Variants in FARS2 observed in about 807,000 individuals in gnomAD.
FARS2 encodes the protein phenylalanyl-tRNA synthetase 2, mitochondrial, also known as phenylalanine--tRNA ligase, mitochondrial.
Under a neutral mutation model 46.4 loss-of-function variants are expected in FARS2, and 40 were observed. The observed-to-expected ratio is 0.86, with a 90% CI of 0.67 to 1.12. The LOEUF is 1.12. FARS2 is among the 50% of genes most tolerant of loss of function. The pLI, the probability that FARS2 is intolerant of heterozygous loss-of-function variation, is 0.00. For missense variants in FARS2, 513 were observed against 567.9 expected, an observed-to-expected ratio of 0.90 and a Z score of 0.98; for synonymous variants, 234 against 214.9, an observed-to-expected ratio of 1.09 and a Z score of -0.78.
rs200193 is a variant in FARS2, at chr6:5,485,490, G to T, written c.904+54318G>T. On this transcript the variant is annotated intron_variant, in intron 4 of 6. Transcript: ENST00000274680. ...TCTTCATACTGTTAAGATTTAAAGT[G>T]GGGGGGACTGGGCTTGAAATCCTTT... 1.2e-4 allele frequency among the ~76,000 whole-genome samples: 18 copies of T among 146,998 alleles called. No homozygotes were observed. In the South Asian group the frequency reaches 1.6e-3, roughly 13 times the overall value.
intron 2 of FARS2, among the ~76,000 whole-genome samples, chr6:5,388,217 T>C (rs1399311949): frequency 6.6e-6 from 1 of 152,206 alleles, no homozygotes; most frequent in Non-Finnish European, 1.5e-5. Flanking sequence ...GATTATCTTA[T>C]CTTAAACCCT....
intron 6 of FARS2, among the ~76,000 whole-genome samples, chr6:5,643,337 C>T (rs533548734): frequency 3.9e-5 from 6 of 152,304 alleles, no homozygotes; most frequent in Non-Finnish European, 8.8e-5. Context: ...AATTACCTTA[C>T]ACGTGCTTCA....
At chr6:5,640,260 A>T (rs139281138) in intron 6 of FARS2, among the ~76,000 whole-genome samples, 1 of 152,214 alleles carries the variant, frequency 6.6e-6, no homozygotes, top group Non-Finnish European at 1.5e-5. Context: ...GTCCCGTATT[A>T]TGTACTGGTA....
chr6:5,621,507 A>G (rs1775776739), intron 6 of FARS2, among the ~76,000 whole-genome samples: 1 of 152,220 alleles, frequency 6.6e-6, no homozygotes, highest in Non-Finnish European at 1.5e-5. Context: ...CTTGCATGTA[A>G]TTAACACTCA....
chr6:5,745,207 G>A (rs1293125379), intron 6 of FARS2, among the ~76,000 whole-genome samples: 1 of 152,234 alleles, frequency 6.6e-6, no homozygotes, highest in Non-Finnish European at 1.5e-5. Context: ...AGGGAAAATG[G>A]CCCCTAAAGT....
intron 4 of FARS2, among the ~76,000 whole-genome samples, chr6:5,463,032 T>C (rs1765330046): frequency 6.6e-6 from 1 of 152,206 alleles, no homozygotes; most frequent in South Asian, 2.1e-4. Flanking sequence ...AACTCGGCTA[T>C]TGTGGTGAGA....
Position 5,734,818 on chromosome 6 carries a change from C to G in FARS2, c.1218-36473C>G, listed in dbSNP as rs150582280. ...TGATTTGTAGATAGATAGATACATACATACATACATACATACATGCATACA... is the reference window on the plus strand; with the variant it reads ...TGATTTGTAGATAGATAGATACATAGATACATACATACATACATGCATACA... On this transcript the variant is annotated intron_variant, in intron 6 of 6. Transcript: ENST00000274680. Among the ~76,000 whole-genome samples the G allele has an allele frequency of 4.5e-3, 671 of 148,036 alleles. 6 individuals carry two copies. Among genetic ancestry groups the G allele is most frequent in the East Asian group, 0.03 (153 of 5,184 alleles).
intron 6 of FARS2, among the ~76,000 whole-genome samples, chr6:5,763,767 G>T (rs199648331): frequency 3.3e-3 from 77 of 23,474 alleles, no homozygotes; most frequent in Non-Finnish European, 9.3e-3. Flanking sequence ...CTTCCCTTTT[G>T]GTTTTTTTTT....
At chr6:5,438,406 G>T (rs1763660558) in intron 4 of FARS2, among the ~76,000 whole-genome samples, 1 of 150,722 alleles carries the variant, frequency 6.6e-6, no homozygotes, top group Non-Finnish European at 1.5e-5. Flanking sequence ...CTGTTTTTCA[G>T]ATTGGATAAT....
chr6:5,419,358 G>C (rs575647471), intron 3 of FARS2, among the ~76,000 whole-genome samples: 38 of 152,248 alleles, frequency 2.5e-4, no homozygotes, highest in African/African-American at 8.4e-4. Flanking sequence ...AATCTCAACT[G>C]AGGTAAGTTA....
At chr6:5,757,517 C>T (rs1762269986) in intron 6 of FARS2, among the ~76,000 whole-genome samples, 1 of 152,142 alleles carries the variant, frequency 6.6e-6, no homozygotes, top group Non-Finnish European at 1.5e-5. Flanking sequence ...TACTTTTTCG[C>T]AGAAGTATAT....
intron 2 of FARS2, among the ~76,000 whole-genome samples, chr6:5,396,554 C>T (rs1285189263): frequency 2.0e-5 from 3 of 152,170 alleles, no homozygotes; most frequent in Non-Finnish European, 4.4e-5. Flanking sequence ...GAAACTTCCA[C>T]TTCTTTCACA....
At chr6:5,573,375 C>A (rs765126442) in intron 5 of FARS2, among the ~76,000 whole-genome samples, 1 of 152,204 alleles carries the variant, frequency 6.6e-6, no homozygotes, top group Non-Finnish European at 1.5e-5. Context: ...GCCCTCTTTC[C>A]CTTGCTCCTT....
At chr6:5,701,852 C>T (rs1249184643) in intron 6 of FARS2, among the ~76,000 whole-genome samples, 2 of 152,140 alleles carry the variant, frequency 1.3e-5, no homozygotes, top group African/African-American at 4.8e-5. Context: ...CTGCTCGTGG[C>T]ATGTGGTTGA....
intron 4 of FARS2, among the ~76,000 whole-genome samples, chr6:5,506,005 G>T (rs755558397): frequency 7.2e-5 from 11 of 152,194 alleles, no homozygotes; most frequent in Non-Finnish European, 1.5e-4. Context: ...GAAGGAAAGA[G>T]AATGTCAGCT....
chr6:5,663,493 G>A (rs1293294714), intron 6 of FARS2, among the ~76,000 whole-genome samples: 2 of 152,322 alleles, frequency 1.3e-5, no homozygotes, highest in Admixed American at 1.3e-4. Flanking sequence ...GGGGCCACCA[G>A]CAGACAGCTT....
intron 6 of FARS2, among the ~76,000 whole-genome samples, chr6:5,736,364 G>A (rs749446469): frequency 5.3e-5 from 8 of 152,184 alleles, no homozygotes; most frequent in Non-Finnish European, 5.9e-5. Flanking sequence ...TGTGGGAGGG[G>A]CCACACAAGA....
At chr6:5,597,016 G>A (rs112648794) in intron 5 of FARS2, among the ~76,000 whole-genome samples, 4 of 152,178 alleles carry the variant, frequency 2.6e-5, no homozygotes, top group East Asian at 1.9e-4. Context: ...CTGAGCACCC[G>A]CTTTTGCAGA....
At chr6:5,460,029 G>T (rs9502303) in intron 4 of FARS2, among the ~76,000 whole-genome samples, 7,647 of 152,288 alleles carry the variant, frequency 0.05, 257 homozygotes, top group South Asian at 0.088. Flanking sequence ...CTTCTCTGCA[G>T]TTAGAGCGTG....
Sources: allele counts gnomAD v4.1 joint callset (sites outside exome capture counted in the v4.1 genomes callset), GRCh38; gene constraint gnomAD v4.1.1; transcripts MANE v1.5; gene names NCBI Gene and HGNC (gene_info 2026-07-23, HGNC 2026-07-21).